The following DCDC1 variants were observed in gnomAD, a reference collection of about 807,000 sequenced individuals.
DCDC1 encodes doublecortin domain containing 1.
In DCDC1, 200 loss-of-function variants were observed where a neutral mutation model predicts 178.3. That is an observed-to-expected ratio of 1.12 (90% CI 1.00 to 1.26). The LOEUF is 1.26. DCDC1 is among the 50% of genes most tolerant of loss of function. The probability of loss-of-function intolerance (pLI) is 0.00; values close to 1 mark genes in which losing one functional copy is unlikely to be tolerated. For missense variants in DCDC1, 1,983 were observed against 1,749.2 expected (o/e 1.13, Z -2.38); for synonymous variants, 690 against 604.8 (o/e 1.14, Z -2.07).
chr11:31,213,443 G>C (rs1012523653), intron 9 of DCDC1, among the ~76,000 whole-genome samples: 3 of 151,796 alleles, frequency 2.0e-5, no homozygotes, highest in African/African-American at 7.3e-5. Context: ...CTTCAGCAGG[G>C]GGCGGTGGCT....
At chr11:31,221,638 G>C (rs1298182377) in intron 9 of DCDC1, among the ~76,000 whole-genome samples, 1 of 152,118 alleles carries the variant, frequency 6.6e-6, no homozygotes, top group Non-Finnish European at 1.5e-5. Flanking sequence ...CAAACTGGTA[G>C]TATCTCTGCT....
chr11:31,273,042 C>A (rs1422520911), intron 7 of DCDC1, among the ~76,000 whole-genome samples: 2 of 152,170 alleles, frequency 1.3e-5, no homozygotes, highest in East Asian at 1.9e-4. Flanking sequence ...CCCTAGACTG[C>A]AATGTAGTAT....
rs577243285 is a variant in DCDC1, at chr11:31,176,769, A to G, written c.1222-38985T>C. 3.9e-3 allele frequency among the ~76,000 whole-genome samples: 597 copies of G among 152,328 alleles called. 4 individuals carry two copies. The highest frequency in any genetic ancestry group is 7.2e-3 in the Non-Finnish European group (487 of 68,000). Reference sequence around the variant, plus strand: ...TACATTCAAAGTTCTGAAGGAAAAAAAATACTCAGCAAAGAATACTATATC... The same window carrying G: ...TACATTCAAAGTTCTGAAGGAAAAAGAATACTCAGCAAAGAATACTATATC... On this transcript the variant is annotated intron_variant, in intron 9 of 38. Coordinates refer to ENST00000684477, the MANE Select transcript of DCDC1 (RefSeq NM_001387274.1).
chr11:31,309,110 T>C (rs1948619655), intron 3 of DCDC1, among the ~76,000 whole-genome samples: 1 of 150,862 alleles, frequency 6.6e-6, no homozygotes, highest in African/African-American at 2.4e-5. Flanking sequence ...AAAAAATGAA[T>C]GGTAGTCACA....
chr11:31,240,020 T>C (rs1177057432), intron 9 of DCDC1, among the ~76,000 whole-genome samples: 2 of 151,908 alleles, frequency 1.3e-5, no homozygotes, highest in Admixed American at 1.3e-4. Context: ...ATGTTTAAGC[T>C]TGTCTTTAGA....
intron 9 of DCDC1, among the ~76,000 whole-genome samples, chr11:31,188,265 T>G (rs1282212659): frequency 6.6e-6 from 1 of 151,432 alleles, no homozygotes; most frequent in African/African-American, 2.4e-5. Flanking sequence ...AAGGCCCCCC[T>G]TCCTATTCTA....
intron 12 of DCDC1, among the ~76,000 whole-genome samples, chr11:31,107,952 C>T (rs1958960533): frequency 6.6e-6 from 1 of 152,182 alleles, no homozygotes; most frequent in Non-Finnish European, 1.5e-5. Flanking sequence ...GTTCAGGGTC[C>T]TTTCTTTTCT....
At chr11:31,110,843 T>C (rs1251980588) in intron 11 of DCDC1, among the ~76,000 whole-genome samples, 1 of 152,164 alleles carries the variant, frequency 6.6e-6, no homozygotes, top group Non-Finnish European at 1.5e-5. Context: ...TTTGGCACAC[T>C]AAAAGGAAAT....
intron 20 of DCDC1, among the ~76,000 whole-genome samples, chr11:30,961,083 C>A (rs928338146): frequency 6.6e-6 from 1 of 152,150 alleles, no homozygotes. Context: ...GCCACAGATC[C>A]ACCACAATGC....
At chr11:31,138,453 T>C (rs993186510) in intron 9 of DCDC1, among the ~76,000 whole-genome samples, 2 of 152,246 alleles carry the variant, frequency 1.3e-5, no homozygotes, top group Non-Finnish European at 2.9e-5. Context: ...TTATGTTTTA[T>C]ATGAAATTCT....
At chr11:31,076,647 G>C (rs1332765142) in intron 18 of DCDC1, among the ~76,000 whole-genome samples, 2 of 152,290 alleles carry the variant, frequency 1.3e-5, no homozygotes. Context: ...CCCAACTGCT[G>C]TTTGTTTGGA....
chr11:31,307,142 A>C (rs1376123160), intron 4 of DCDC1, among the ~76,000 whole-genome samples: 1 of 152,156 alleles, frequency 6.6e-6, no homozygotes, highest in South Asian at 2.1e-4. Flanking sequence ...ACATATTCAA[A>C]CATTTGAAAA....
At chr11:31,030,636 G>T (rs12364877) in intron 20 of DCDC1, among the ~76,000 whole-genome samples, 2 of 152,014 alleles carry the variant, frequency 1.3e-5, no homozygotes, top group Non-Finnish European at 2.9e-5. Context: ...CATATGTGCC[G>T]CCAAGCCCAC....
intron 20 of DCDC1, among the ~76,000 whole-genome samples, chr11:31,036,055 A>G (rs1417805052): frequency 2.6e-5 from 4 of 152,162 alleles, no homozygotes; most frequent in Non-Finnish European, 5.9e-5. Flanking sequence ...TTTGTAAAGC[A>G]ATTCCTAGCT....
chr11:30,974,282 A>G (rs797014516), intron 20 of DCDC1, among the ~76,000 whole-genome samples: 75 of 152,088 alleles, frequency 4.9e-4, no homozygotes, highest in African/African-American at 1.7e-3. Context: ...TCAAAAAAAA[A>G]AAAAAGAAAG....
At position 30,883,317 on chromosome 11, in the gene DCDC1, C is replaced by T. The variant is rs542583946; in HGVS notation, c.5083-2009G>A. 96 of 205,890 alleles carry T rather than the reference C, an allele frequency of 4.7e-4. 1 individual carries two copies. The highest frequency in any genetic ancestry group is 3.8e-3 in the Middle Eastern group (2 of 520). 12.8% of individuals were successfully genotyped at this position (205,890 alleles called of 1,614,324 possible). A position where few individuals can be genotyped will look rare whatever the true frequency, so the allele number is the denominator to read the frequency against. On this transcript the variant is annotated intron_variant, in intron 36 of 38. Coordinates refer to ENST00000684477, the MANE Select transcript of DCDC1 (RefSeq NM_001387274.1). ...TAGGTGGAGAAGATCTCACAGGATA[C>T]AGAAAAAGGAAAAGAGACAAAGTGT...
intron 3 of DCDC1, among the ~76,000 whole-genome samples, chr11:31,316,068 G>A (rs1329077908): frequency 2.1e-5 from 2 of 96,504 alleles, no homozygotes; most frequent in Non-Finnish European, 4.0e-5. Flanking sequence ...TGGACATTTC[G>A]GTTGGTTCCA....
intron 18 of DCDC1, among the ~76,000 whole-genome samples, chr11:31,066,067 C>G (rs543516826): frequency 5.2e-4 from 79 of 152,230 alleles, no homozygotes; most frequent in Admixed American, 1.4e-3. Flanking sequence ...ACCCTTCAAC[C>G]CACTCGTGTA....
chr11:30,908,026 A>C (rs1945193225), intron 29 of DCDC1, among the ~76,000 whole-genome samples: 1 of 152,192 alleles, frequency 6.6e-6, no homozygotes, highest in Non-Finnish European at 1.5e-5. Context: ...TGATAGAATT[A>C]GACAAAATTG....
Sources: allele counts gnomAD v4.1 joint callset (sites outside exome capture counted in the v4.1 genomes callset), GRCh38; gene constraint gnomAD v4.1.1; transcripts MANE v1.5; gene names NCBI Gene and HGNC (gene_info 2026-07-23, HGNC 2026-07-21).